The following RNGTT variants were observed in gnomAD, a reference collection of about 807,000 sequenced individuals.
RNGTT encodes RNA guanylyltransferase and 5'-phosphatase.
Under a neutral mutation model 79.3 loss-of-function variants are expected in RNGTT, and 33 were observed. The ratio of observed to expected loss-of-function variants is 0.42; its 90% CI spans 0.32 to 0.56. The LOEUF (loss-of-function observed/expected upper bound fraction) is 0.56, where lower values mean the gene tolerates loss of function less well. Ranked by LOEUF, RNGTT falls within the 20% of genes least tolerant of loss-of-function variation. The pLI is 0.17. For synonymous variants in RNGTT, 222 were observed against 235.9 expected, an observed-to-expected ratio of 0.94 and a Z score of 0.54; for missense variants, 497 against 739.1, an observed-to-expected ratio of 0.67 and a Z score of 3.80.
chr6:88,740,324 C>T (rs1471650888), intron 13 of RNGTT, among the ~76,000 whole-genome samples: 1 of 151,968 alleles, frequency 6.6e-6, no homozygotes, highest in Non-Finnish European at 1.5e-5. Flanking sequence ...TTGAGACCAG[C>T]ATGGACAACA....
intron 12 of RNGTT, among the ~76,000 whole-genome samples, chr6:88,796,365 CAG>C (rs764699822): frequency 1.2e-3 from 189 of 152,132 alleles, no homozygotes; most frequent in African/African-American, 4.1e-3. Context: ...GGTCAAAAAA[CAG>C]GGGTAGACTG....
chr6:88,640,835 T>C (rs1282482186), intron 14 of RNGTT, among the ~76,000 whole-genome samples: 1 of 152,162 alleles, frequency 6.6e-6, no homozygotes, highest in Non-Finnish European at 1.5e-5. Flanking sequence ...ATTTATGTTG[T>C]AAGCTCCCAA....
intron 8 of RNGTT, among the ~76,000 whole-genome samples, chr6:88,876,245 A>G (rs951782550): frequency 6.6e-6 from 1 of 152,184 alleles, no homozygotes; most frequent in African/African-American, 2.4e-5. Context: ...AAAAATAATC[A>G]TGCCTGAGTA....
intron 11 of RNGTT, among the ~76,000 whole-genome samples, chr6:88,839,994 A>AT (rs539291317): frequency 5.9e-4 from 90 of 152,324 alleles, no homozygotes; most frequent in Non-Finnish European, 1.2e-3. Context: ...CATCTTTGAG[A>AT]TTTTAAAGAT....
chr6:88,732,281 G>A (rs1016511687), intron 13 of RNGTT, among the ~76,000 whole-genome samples: 7 of 152,096 alleles, frequency 4.6e-5, no homozygotes, highest in African/African-American at 1.7e-4. Context: ...CATGAAAAGT[G>A]TTCAAAATCA....
chr6:88,649,316 G>A (rs1313132740), intron 14 of RNGTT, among the ~76,000 whole-genome samples: 1 of 152,050 alleles, frequency 6.6e-6, no homozygotes, highest in Non-Finnish European at 1.5e-5. Context: ...TGATGGGAGG[G>A]GAAAACATGA....
At chr6:88,789,128 CT>C (rs1242684921) in intron 12 of RNGTT, among the ~76,000 whole-genome samples, 2 of 152,092 alleles carry the variant, frequency 1.3e-5, no homozygotes, top group African/African-American at 4.8e-5. Context: ...TTCAAAGTAT[CT>C]TCTTTCTTGG....
At chr6:88,807,727 A>G (rs1423711637) in intron 11 of RNGTT, among the ~76,000 whole-genome samples, 1 of 152,034 alleles carries the variant, frequency 6.6e-6, no homozygotes, top group Non-Finnish European at 1.5e-5. Flanking sequence ...ACCCCAATGG[A>G]CTCCAAGAGG....
intron 13 of RNGTT, 105 bp downstream of exon 13, chr6:88,769,669 T>TCTTTCTTTACAATA: frequency 1.8e-6 from 1 of 570,956 alleles, no homozygotes; most frequent in Non-Finnish European, 2.9e-6. Flanking sequence ...TATTTTAGTT[T>TCTTTCTTTACAATA]CTTTCTTTAA....
intron 14 of RNGTT, among the ~76,000 whole-genome samples, chr6:88,653,759 A>T (rs1773878818): frequency 6.6e-6 from 1 of 152,206 alleles, no homozygotes; most frequent in Non-Finnish European, 1.5e-5. Flanking sequence ...TTGGCTTTCC[A>T]GTCATTCTTC....
chr6:88,620,055 C>T (rs1169199754), intron 14 of RNGTT, among the ~76,000 whole-genome samples: 4 of 152,154 alleles, frequency 2.6e-5, no homozygotes, highest in East Asian at 3.8e-4. Flanking sequence ...TTTTAAAACA[C>T]GTTAGACTAG....
rs568236705 is a variant in RNGTT at position 88,950,106 on chromosome 6, G to A, written c.65-8926C>T. On this transcript the variant is annotated intron_variant, in intron 1 of 15. Coordinates refer to ENST00000369485, the MANE Select transcript of RNGTT (RefSeq NM_003800.5). ...TCTACTCTGTCTGTGCTCTATCAAC[G>A]AACAACAAAAGCCTGGATGACATCC... Among the ~76,000 whole-genome samples the A allele has an allele frequency of 9.9e-5, 15 of 152,228 alleles. No individual in the cohort carries two copies. The South Asian group carries it at 1.9e-3, about 19-fold the overall frequency.
In RNGTT at chr6:88,831,733, C is replaced by G. The variant is rs1022965578; in HGVS notation, c.1269+12624G>C. Among the ~76,000 whole-genome samples the G allele has an allele frequency of 2.0e-5, 3 of 152,224 alleles. No individual in the cohort carries two copies. In the South Asian group the frequency reaches 6.2e-4, roughly 32 times the overall value. ...ATCAACTTAAGCTGATAAGCAACTT[C>G]AGCAAAGTCTCAGGATACAAAATCG... On this transcript the variant is annotated intron_variant, in intron 11 of 15. Coordinates refer to ENST00000369485, the MANE Select transcript of RNGTT (RefSeq NM_003800.5).
chr6:88,640,637 T>G (rs1489196086), intron 14 of RNGTT, among the ~76,000 whole-genome samples: 1 of 151,028 alleles, frequency 6.6e-6, no homozygotes, highest in Non-Finnish European at 1.5e-5. Flanking sequence ...AACTGCCCAG[T>G]AGGCAGCTGA....
chr6:88,852,818 T>A (rs764498301), intron 9 of RNGTT, among the ~76,000 whole-genome samples: 15 of 152,182 alleles, frequency 9.9e-5, no homozygotes, highest in Non-Finnish European at 2.2e-4. Context: ...GGTCATATTT[T>A]AAACAAGCAA....
chr6:88,729,096 G>A (rs577001119), intron 13 of RNGTT, among the ~76,000 whole-genome samples: 3 of 152,084 alleles, frequency 2.0e-5, no homozygotes, highest in South Asian at 4.1e-4. Context: ...GTCAAAGTCC[G>A]ACACCCTGCG....
intron 14 of RNGTT, among the ~76,000 whole-genome samples, chr6:88,619,948 T>G (rs117058349): frequency 0.055 from 8,322 of 152,300 alleles, 340 homozygotes; most frequent in Non-Finnish European, 0.084. Context: ...TAAACAGTCT[T>G]CTAGAACTAC....
chr6:88,689,875 C>CAAAA (rs58459877), intron 13 of RNGTT, among the ~76,000 whole-genome samples: 1 of 133,182 alleles, frequency 7.5e-6, no homozygotes, highest in Non-Finnish European at 1.7e-5. Context: ...GTAACAATTA[C>CAAAA]AAAAAAAAAA....
chr6:88,930,838 A>G (rs1181331880), intron 2 of RNGTT, among the ~76,000 whole-genome samples: 2 of 152,196 alleles, frequency 1.3e-5, no homozygotes, highest in East Asian at 1.9e-4. Flanking sequence ...TACAAGGGGG[A>G]AAATGCAATG....
Sources: gnomAD v4.1 joint callset for allele counts (sites outside exome capture counted in the v4.1 genomes callset) on GRCh38, gnomAD v4.1.1 for gene constraint, MANE v1.5 for transcripts, NCBI Gene and HGNC (gene_info 2026-07-23, HGNC 2026-07-21) for gene names.